PALLD: variants seen among roughly 807,000 people sequenced by gnomAD.
The protein encoded by PALLD is palladin.
A neutral mutation model predicts 123.5 loss-of-function variants in PALLD; 61 were observed. The ratio of observed to expected loss-of-function variants is 0.49; its 90% CI spans 0.40 to 0.61. The LOEUF (loss-of-function observed/expected upper bound fraction) is 0.61. Among genes scored for constraint, PALLD ranks in the 20% least tolerant of loss-of-function variants. The pLI is 0.00. For missense variants in PALLD, 1,273 were observed against 1,377.0 expected, an observed-to-expected ratio of 0.92 and a Z score of 1.20; for synonymous variants, 465 against 496.4, an observed-to-expected ratio of 0.94 and a Z score of 0.84.
At chr4:168,509,324 C>T (rs1053667709) in intron 1 of PALLD, among the ~76,000 whole-genome samples, 3 of 152,150 alleles carry the variant, frequency 2.0e-5, no homozygotes, top group South Asian at 2.1e-4. Flanking sequence ...GTCTCATCTT[C>T]AGCGTCTCCT....
At chr4:168,831,939 C>T (rs1484851190) in intron 10 of PALLD, 2 of 926,900 alleles carry the variant, frequency 2.2e-6, no homozygotes, top group Non-Finnish European at 2.6e-6. Flanking sequence ...CCTCCCTAAC[C>T]TGGGGGCCGC....
intron 9 of PALLD, among the ~76,000 whole-genome samples, chr4:168,711,270 C>A (rs1179828513): frequency 6.6e-6 from 1 of 152,198 alleles, no homozygotes; most frequent in East Asian, 1.9e-4. Context: ...TTGGTTGATA[C>A]TGTTTGTGTT....
intron 10 of PALLD, among the ~76,000 whole-genome samples, chr4:168,783,685 C>T (rs376621961): frequency 2.4e-4 from 36 of 152,144 alleles, no homozygotes; most frequent in Admixed American, 1.0e-3. Flanking sequence ...TGTAAAATTC[C>T]TGGAGTTGTT....
chr4:168,506,354 C>T (rs1425050206), intron 1 of PALLD, among the ~76,000 whole-genome samples: 1 of 142,138 alleles, frequency 7.0e-6, no homozygotes, highest in African/African-American at 2.5e-5. Context: ...ACAAATTTTG[C>T]AGAGAATCTC....
intron 2 of PALLD, among the ~76,000 whole-genome samples, chr4:168,524,435 G>A (rs1315669199): frequency 1.3e-5 from 2 of 152,106 alleles, no homozygotes; most frequent in Non-Finnish European, 2.9e-5. Flanking sequence ...GAGACAAACT[G>A]GCTCCTGGGT....
chr4:168,907,481 T>G (rs1299834553), intron 15 of PALLD, among the ~76,000 whole-genome samples: 2 of 152,186 alleles, frequency 1.3e-5, no homozygotes, highest in Non-Finnish European at 2.9e-5. Context: ...GTGCCACAAC[T>G]GCCACAGCTG....
At chr4:168,737,341 G>T (rs1360314066) in intron 10 of PALLD, among the ~76,000 whole-genome samples, 2 of 151,892 alleles carry the variant, frequency 1.3e-5, no homozygotes, top group African/African-American at 2.4e-5. Context: ...CAATATTTTT[G>T]AGTGCCAGAT....
At chr4:168,604,088 A>G (rs1468636033) in intron 2 of PALLD, among the ~76,000 whole-genome samples, 5 of 152,216 alleles carry the variant, frequency 3.3e-5, no homozygotes, top group Admixed American at 1.3e-4. Flanking sequence ...ACTCTCCCTT[A>G]GGAAAGTAAT....
intron 3 of PALLD, among the ~76,000 whole-genome samples, chr4:168,679,599 T>C (rs1781343293): frequency 6.6e-6 from 1 of 151,054 alleles, no homozygotes; most frequent in South Asian, 2.1e-4. Flanking sequence ...CCCTTACTTA[T>C]GGAGTGCACA....
chr4:168,880,020 G>A (rs1752393656), intron 10 of PALLD, among the ~76,000 whole-genome samples: 1 of 152,204 alleles, frequency 6.6e-6, no homozygotes, highest in Admixed American at 6.5e-5. Context: ...CCCAGGAAGA[G>A]GAGTACTGTG....
intron 2 of PALLD, among the ~76,000 whole-genome samples, chr4:168,565,355 C>A (rs905501341): frequency 1.9e-4 from 29 of 152,224 alleles, no homozygotes; most frequent in African/African-American, 6.7e-4. Flanking sequence ...TCCATGCTCT[C>A]GGCACAAGTA....
chr4:168,925,167 T>TAATAA, intron 20 of PALLD, 66 bp from the exon 21 acceptor site: 1 of 1,582,682 alleles, frequency 6.3e-7, no homozygotes, highest in East Asian at 2.2e-5. Flanking sequence ...TTACTCTTTA[T>TAATAA]AAACAACTAT....
intron 11 of PALLD, 67 bp from the exon 12 acceptor site, chr4:168,894,512 T>G (rs1211111895): frequency 1.0e-6 from 1 of 960,134 alleles, no homozygotes; most frequent in African/African-American, 1.6e-5. Context: ...TTTACTCTTT[T>G]TCATAGGGCA....
At chr4:168,812,890 C>T (rs1351252767) in intron 10 of PALLD, among the ~76,000 whole-genome samples, 3 of 152,010 alleles carry the variant, frequency 2.0e-5, no homozygotes, top group Admixed American at 6.6e-5. Flanking sequence ...TAAATGTGGG[C>T]GTGGAAATTA....
chr4:168,548,414 T>C (rs978564324), intron 2 of PALLD, among the ~76,000 whole-genome samples: 5 of 151,910 alleles, frequency 3.3e-5, no homozygotes, highest in African/African-American at 1.2e-4. Context: ...ATCTTTACAC[T>C]TCTTTGTTTT....
rs545047271 is a variant in PALLD, at chr4:168,855,165, A to G, written c.1965-35757A>G. Reference sequence around the variant, plus strand: ...GAGTGCAGTGGCGCGATCTTGGCTCACTGCAAGCTCCGCCTCCCGGGTTCA... The same window carrying G: ...GAGTGCAGTGGCGCGATCTTGGCTCGCTGCAAGCTCCGCCTCCCGGGTTCA... On this transcript the variant is annotated intron_variant, in intron 10 of 21. Coordinates refer to ENST00000505667, the MANE Select transcript of PALLD (RefSeq NM_001166108.2). 1.1e-3 allele frequency among the ~76,000 whole-genome samples: 147 copies of G among 134,272 alleles called. No homozygotes were observed. In the Middle Eastern group the frequency reaches 0.038, roughly 34 times the overall value. The allele number at this position is 134,272 out of a possible 152,430, so 88.1% of individuals were successfully genotyped here. A position where few individuals can be genotyped will look rare whatever the true frequency, so the allele number is the denominator to read the frequency against.
Position 168,711,656 on chromosome 4 carries a change from C to G in PALLD, c.1697C>G (p.Pro566Arg), listed in dbSNP as rs758274223. The stretch of plus-strand genomic sequence containing the variant: ...CACTTCCAACACTTTCCACCTCCCC[C>G]TCCAATCTTGGAGACAAGTTCCTTG... ...NDHFQHFPPP[P>R]PILETSSLEL... The change falls in exon 10 of 22, where the codon CCT becomes CGT. Residue 566 changes from proline (P) to arginine (R), a missense_variant. Coordinates refer to ENST00000505667, the MANE Select transcript of PALLD (RefSeq NM_001166108.2). 6.3e-5 allele frequency: 102 copies of G among 1,614,040 alleles called. No homozygotes were observed. The highest frequency in any genetic ancestry group is 8.6e-5 in the Non-Finnish European group (101 of 1,180,012).
At chr4:168,649,391 C>T (rs1388745908) in intron 2 of PALLD, among the ~76,000 whole-genome samples, 1 of 152,126 alleles carries the variant, frequency 6.6e-6, no homozygotes, top group Non-Finnish European at 1.5e-5. Flanking sequence ...CCCAATGGCC[C>T]TCATAATAGT....
intron 1 of PALLD, among the ~76,000 whole-genome samples, chr4:168,503,864 C>T (rs964992439): frequency 6.6e-6 from 1 of 152,102 alleles, no homozygotes; most frequent in African/African-American, 2.4e-5. Flanking sequence ...TTAACCTGCA[C>T]ATCGTGCTTT....
Sources: allele counts gnomAD v4.1 joint callset (sites outside exome capture counted in the v4.1 genomes callset), GRCh38; gene constraint gnomAD v4.1.1; transcripts MANE v1.5; gene names NCBI Gene and HGNC (gene_info 2026-07-23, HGNC 2026-07-21).